Variants in SUMF1 observed in about 807,000 individuals in gnomAD.
The protein encoded by SUMF1 is formylglycine-generating enzyme.
A neutral mutation model predicts 47.6 loss-of-function variants in SUMF1; 48 were observed. The observed-to-expected ratio is 1.01, with a 90% CI of 0.80 to 1.28. The LOEUF is 1.28. Among genes scored for constraint, SUMF1 ranks in the 50% most tolerant of loss-of-function variants. SUMF1 has a pLI of 0.00. For synonymous variants in SUMF1, 230 were observed against 192.1 expected (o/e 1.20, Z -1.63); for missense variants, 571 against 485.4 (o/e 1.18, Z -1.66).
intron 8 of SUMF1, among the ~76,000 whole-genome samples, chr3:4,287,292 T>C (rs1301213129): frequency 6.6e-6 from 1 of 151,834 alleles, no homozygotes; most frequent in Non-Finnish European, 1.5e-5. Flanking sequence ...AATAAGAAAA[T>C]AACCTTTCAG....
At chr3:4,109,363 T>C (rs1271571370) in intron 8 of SUMF1, among the ~76,000 whole-genome samples, 3 of 152,110 alleles carry the variant, frequency 2.0e-5, no homozygotes, top group Admixed American at 6.6e-5. Context: ...GAACATTTTT[T>C]CCTTCATTTC....
intron 8 of SUMF1, among the ~76,000 whole-genome samples, chr3:4,096,886 G>A (rs1188011103): frequency 6.6e-6 from 1 of 152,064 alleles, no homozygotes; most frequent in East Asian, 1.9e-4. Context: ...CAGGCTCAGT[G>A]TTCCCAAATC....
chr3:4,390,977 A>T (rs1700843738), intron 7 of SUMF1, among the ~76,000 whole-genome samples: 1 of 152,182 alleles, frequency 6.6e-6, no homozygotes, highest in African/African-American at 2.4e-5. Flanking sequence ...ATCTTTCTAG[A>T]ACCAGGAGTC....
chr3:4,069,181 C>G (rs922086462), intron 8 of SUMF1, among the ~76,000 whole-genome samples: 1 of 152,140 alleles, frequency 6.6e-6, no homozygotes, highest in Non-Finnish European at 1.5e-5. Context: ...TAACTAGTCA[C>G]AGAAGGCTGT....
chr3:4,397,903 T>C lies in SUMF1; in HGVS notation c.954+12962A>G, dbSNP rs55935189. ...AAACATAATACTCATAATTAACATA[T>C]ATCAAATGTTTACTACATGACAGCC... On this transcript the variant is annotated intron_variant, in intron 7 of 8. Coordinates refer to ENST00000272902, the MANE Select transcript of SUMF1 (RefSeq NM_182760.4). Among the ~76,000 whole-genome samples, 624 of 152,282 alleles carry C rather than the reference T, an allele frequency of 4.1e-3. 5 individuals are homozygous for C. Among genetic ancestry groups the C allele is most frequent in the African/African-American group, 0.014 (595 of 41,558 alleles).
chr3:4,115,703 T>C (rs1355991593), intron 8 of SUMF1, among the ~76,000 whole-genome samples: 4 of 152,198 alleles, frequency 2.6e-5, no homozygotes. Context: ...CCTTGCTAAT[T>C]TTTCATCTTT....
chr3:4,237,138 C>T (rs573866269), intron 8 of SUMF1, among the ~76,000 whole-genome samples: 45 of 152,188 alleles, frequency 3.0e-4, no homozygotes, highest in Middle Eastern at 3.4e-3. Context: ...TTTATTCATT[C>T]ACCCAGTGAA....
intron 7 of SUMF1, among the ~76,000 whole-genome samples, chr3:4,387,183 T>C (rs1440266720): frequency 6.6e-6 from 1 of 152,022 alleles, no homozygotes; most frequent in Non-Finnish European, 1.5e-5. Context: ...GATTCTTCTT[T>C]AAATGTCTAG....
chr3:4,043,554 G>A (rs1353577446), intron 9 of SUMF1, among the ~76,000 whole-genome samples: 4 of 151,916 alleles, frequency 2.6e-5, no homozygotes, highest in South Asian at 2.1e-4. Context: ...CTCTCCAGGC[G>A]CGAATTTACC....
intron 8 of SUMF1, among the ~76,000 whole-genome samples, chr3:4,132,196 T>A (rs905490727): frequency 2.6e-5 from 4 of 152,072 alleles, no homozygotes; most frequent in Non-Finnish European, 5.9e-5. Context: ...AAAACTACCA[T>A]CCATGGACTC....
intron 8 of SUMF1, among the ~76,000 whole-genome samples, chr3:4,176,902 A>T (rs1046957362): frequency 3.3e-5 from 5 of 152,234 alleles, no homozygotes; most frequent in Admixed American, 3.3e-4. Flanking sequence ...ATCTCTGATA[A>T]AACAGACTTT....
At chr3:4,207,264 T>C (rs930515471) in intron 8 of SUMF1, among the ~76,000 whole-genome samples, 1 of 152,164 alleles carries the variant, frequency 6.6e-6, no homozygotes, top group African/African-American at 2.4e-5. Context: ...ACAAATCATA[T>C]CGTCCATGAA....
intron 8 of SUMF1, among the ~76,000 whole-genome samples, chr3:4,339,752 G>A (rs1406625321): frequency 2.0e-5 from 3 of 152,022 alleles, no homozygotes; most frequent in African/African-American, 7.2e-5. Flanking sequence ...CCACATTTTT[G>A]CACCCATCCA....
chr3:4,458,353 T>C (rs1407156271), intron 1 of SUMF1, among the ~76,000 whole-genome samples: 1 of 152,152 alleles, frequency 6.6e-6, no homozygotes, highest in African/African-American at 2.4e-5. Flanking sequence ...AGAATTACCA[T>C]ATGATCCAGC....
intron 8 of SUMF1, among the ~76,000 whole-genome samples, chr3:4,217,994 T>A (rs187274232): frequency 6.6e-6 from 1 of 152,178 alleles, no homozygotes; most frequent in Admixed American, 6.5e-5. Context: ...CAGTTTAATA[T>A]CATGTTATTC....
At chr3:4,300,000 G>C (rs1323534889) in intron 8 of SUMF1, among the ~76,000 whole-genome samples, 1 of 152,052 alleles carries the variant, frequency 6.6e-6, no homozygotes, top group African/African-American at 2.4e-5. Context: ...GATATAATTT[G>C]GATATTTGTC....
rs80120879 is a variant in SUMF1 at position 4,169,764 on chromosome 3, A to T, written c.1015-101019T>A. On this transcript the variant is annotated intron_variant and NMD_transcript_variant, in intron 8 of 12. Coordinates refer to the SUMF1 transcript ENST00000448413. ...GGCTTGTGCAAACGGCATGCTCAAG[A>T]GTGAGGCTAAATGATAAACTGTGTG... 1.0e-3 allele frequency among the ~76,000 whole-genome samples: 158 copies of T among 152,274 alleles called. 2 individuals are homozygous for T. Among genetic ancestry groups the T allele is most frequent in the African/African-American group, 3.6e-3 (150 of 41,556 alleles).
intron 8 of SUMF1, among the ~76,000 whole-genome samples, chr3:4,227,671 C>T (rs1279523243): frequency 1.3e-5 from 2 of 152,102 alleles, no homozygotes; most frequent in African/African-American, 4.8e-5. Flanking sequence ...TTTCCCCCTG[C>T]TATGTGGTGG....
At chr3:4,086,241 T>C (rs1164651527) in intron 8 of SUMF1, among the ~76,000 whole-genome samples, 1 of 151,740 alleles carries the variant, frequency 6.6e-6, no homozygotes, top group African/African-American at 2.4e-5. Flanking sequence ...AGAATTATTG[T>C]CATTAAACTG....
Sources: allele counts gnomAD v4.1 joint callset (sites outside exome capture counted in the v4.1 genomes callset), GRCh38; gene constraint gnomAD v4.1.1; transcripts MANE v1.5; gene names NCBI Gene and HGNC (gene_info 2026-07-23, HGNC 2026-07-21).